Variants in SLAIN2 observed in about 807,000 individuals in gnomAD.
SLAIN2 encodes SLAIN motif-containing protein 2.
A neutral mutation model predicts 56.6 loss-of-function variants in SLAIN2; 31 were observed. The observed-to-expected ratio is 0.55, with a 90% CI of 0.41 to 0.74. The LOEUF (loss-of-function observed/expected upper bound fraction) is 0.74. Ranked by LOEUF, SLAIN2 falls within the 30% of genes least tolerant of loss-of-function variation. The probability of loss-of-function intolerance (pLI) is 0.00; values close to 1 mark genes in which losing one functional copy is unlikely to be tolerated. For missense variants in SLAIN2, 777 were observed against 754.2 expected, an observed-to-expected ratio of 1.03 and a Z score of -0.35; for synonymous variants, 317 against 284.9, an observed-to-expected ratio of 1.11 and a Z score of -1.13.
At chr4:48,401,789 A>G (rs1278731020) in intron 6 of SLAIN2, among the ~76,000 whole-genome samples, 1 of 152,052 alleles carries the variant, frequency 6.6e-6, no homozygotes, top group Non-Finnish European at 1.5e-5. Flanking sequence ...TAATATTGTT[A>G]TGTGTGTATT....
intron 6 of SLAIN2, 83 bp downstream of exon 6, chr4:48,383,867 C>A: frequency 7.0e-7 from 1 of 1,436,512 alleles, no homozygotes; most frequent in South Asian, 1.4e-5. Flanking sequence ...GCTGAAAAAC[C>A]GTTTTTTATG....
chr4:48,413,368 G>T (rs1171733545), intron 6 of SLAIN2, among the ~76,000 whole-genome samples: 1 of 152,186 alleles, frequency 6.6e-6, no homozygotes, highest in Non-Finnish European at 1.5e-5. Flanking sequence ...TTGCTCAGTT[G>T]ACTTCTGTGG....
chr4:48,385,660 GGTTTCACTCT>G (rs1357832202), intron 6 of SLAIN2, among the ~76,000 whole-genome samples: 2 of 149,894 alleles, frequency 1.3e-5, no homozygotes, highest in Non-Finnish European at 3.0e-5. Flanking sequence ...ATTGAGTCAG[GGTTTCACTCT>G]GTCACCAGGC....
intron 1 of SLAIN2, among the ~76,000 whole-genome samples, chr4:48,364,941 A>G (rs1715471061): frequency 6.6e-6 from 1 of 151,622 alleles, no homozygotes; most frequent in Admixed American, 6.6e-5. Flanking sequence ...AGTCTCTTTT[A>G]TAAGTCTATT....
chr4:48,395,893 C>G (rs1191563051), intron 6 of SLAIN2, among the ~76,000 whole-genome samples: 1 of 134,502 alleles, frequency 7.4e-6, no homozygotes, highest in Non-Finnish European at 1.5e-5. Flanking sequence ...AAACATGAAC[C>G]TGAAAACACT....
chr4:48,346,933 C>T (rs1433005839), intron 1 of SLAIN2, among the ~76,000 whole-genome samples: 1 of 150,824 alleles, frequency 6.6e-6, no homozygotes, highest in African/African-American at 2.5e-5. Context: ...CTCAACCTCC[C>T]AAAGTGCTAG....
At chr4:48,370,024 TC>T in intron 2 of SLAIN2, 27 bp downstream of exon 2, 1 of 1,605,260 alleles carries the variant, frequency 6.2e-7, no homozygotes, top group Non-Finnish European at 8.5e-7. Context: ...GCTTGTAAAT[TC>T]ATCTCTTTGC....
Position 48,368,495 on chromosome 4 carries a change from A to G in SLAIN2, c.390-1354A>G, listed in dbSNP as rs201441375. On this transcript the variant is annotated intron_variant, in intron 1 of 7. Transcript: ENST00000264313. ...AAATATATATATTGAAAGAGTAGTGATAATATCATAAAATGGTTTTATTAT... is the reference window on the plus strand; with the variant it reads ...AAATATATATATTGAAAGAGTAGTGGTAATATCATAAAATGGTTTTATTAT... 2.4e-4 allele frequency among the ~76,000 whole-genome samples: 37 copies of G among 152,330 alleles called. No homozygotes were observed. The East Asian group carries it at 6.9e-3, about 29-fold the overall frequency.
chr4:48,400,445 G>A (rs1286307699), intron 6 of SLAIN2, among the ~76,000 whole-genome samples: 4 of 129,606 alleles, frequency 3.1e-5, no homozygotes, highest in Non-Finnish European at 6.2e-5. Context: ...CGCCCAGGCT[G>A]TAGTGCAGTG....
At chr4:48,344,163 T>G (rs917832772) in intron 1 of SLAIN2, among the ~76,000 whole-genome samples, 1 of 152,210 alleles carries the variant, frequency 6.6e-6, no homozygotes, top group African/African-American at 2.4e-5. Context: ...GCTTACTGCT[T>G]TGATCCTGGC....
intron 6 of SLAIN2, among the ~76,000 whole-genome samples, chr4:48,419,401 ATCT>A (rs1239052667): frequency 2.6e-5 from 4 of 151,718 alleles, no homozygotes; most frequent in Admixed American, 6.6e-5. Context: ...ACCACGCCTG[ATCT>A]TCTTTTTTCT....
rs1270973301 is a variant in SLAIN2 at position 48,414,570 on chromosome 4, TA to T, written c.1361-5554del. ...GTGGTATTTTTTTTTTTTTTTTTTTTATTATACTCTAAGTTTTAGGGTACAT... is the reference window on the plus strand; with the variant it reads ...GTGGTATTTTTTTTTTTTTTTTTTTTTTATACTCTAAGTTTTAGGGTACAT... On this transcript the variant is annotated intron_variant, in intron 6 of 7. Transcript: ENST00000264313. Among the ~76,000 whole-genome samples, 378 of 115,890 alleles carry T rather than the reference TA, an allele frequency of 3.3e-3. 3 individuals are homozygous for T. Among genetic ancestry groups the T allele is most frequent in the Non-Finnish European group, 2.2e-3 (117 of 53,658 alleles). 76.0% of individuals were successfully genotyped at this position (115,890 alleles called of 152,430 possible).
intron 6 of SLAIN2, among the ~76,000 whole-genome samples, chr4:48,388,298 C>G (rs1716150793): frequency 6.6e-6 from 1 of 152,078 alleles, no homozygotes; most frequent in Admixed American, 6.6e-5. Context: ...ATGTCAATTT[C>G]TTAGTTTCAT....
At chr4:48,394,054 T>G (rs1716299545) in intron 6 of SLAIN2, among the ~76,000 whole-genome samples, 1 of 152,174 alleles carries the variant, frequency 6.6e-6, no homozygotes, top group Admixed American at 6.5e-5. Flanking sequence ...TACAAGATGA[T>G]ATTGAACATA....
intron 1 of SLAIN2, among the ~76,000 whole-genome samples, chr4:48,369,451 G>C (rs1237235957): frequency 6.6e-6 from 1 of 152,170 alleles, no homozygotes; most frequent in Non-Finnish European, 1.5e-5. Flanking sequence ...GTAGATGTTT[G>C]TGTATGTCGT....
At chr4:48,354,562 G>A (rs1380754407) in intron 1 of SLAIN2, among the ~76,000 whole-genome samples, 3 of 151,988 alleles carry the variant, frequency 2.0e-5, no homozygotes, top group South Asian at 2.1e-4. Flanking sequence ...TGCAGCCCGG[G>A]TTCAAGCGAT....
intron 1 of SLAIN2, among the ~76,000 whole-genome samples, chr4:48,367,383 G>A (rs745671961): frequency 3.3e-5 from 5 of 152,176 alleles, no homozygotes; most frequent in Non-Finnish European, 7.3e-5. Flanking sequence ...TCATCACTAT[G>A]AATAAGTGTG....
At chr4:48,348,689 C>CAAA (rs34880531) in intron 1 of SLAIN2, among the ~76,000 whole-genome samples, 2,033 of 98,432 alleles carry the variant, frequency 0.021, 39 homozygotes, top group African/African-American at 0.064. Context: ...GACTCTGTCT[C>CAAA]AAAAAAAAAA....
intron 1 of SLAIN2, among the ~76,000 whole-genome samples, chr4:48,368,475 T>C (rs1402996985): frequency 1.3e-5 from 2 of 151,876 alleles, no homozygotes; most frequent in Non-Finnish European, 2.9e-5. Flanking sequence ...AGGAAAAATA[T>C]ATATATTGAA....
Sources: allele counts gnomAD v4.1 joint callset (sites outside exome capture counted in the v4.1 genomes callset), GRCh38; gene constraint gnomAD v4.1.1; transcripts MANE v1.5; gene names NCBI Gene and HGNC (gene_info 2026-07-23, HGNC 2026-07-21).